ZFC3H1: variants seen among roughly 807,000 people sequenced by gnomAD.
ZFC3H1 encodes the protein zinc finger C3H1-type containing, also known as zinc finger C3H1 domain-containing protein.
ZFC3H1 carries 71 observed loss-of-function variants against 243.7 expected under a neutral mutation model. The ratio of observed to expected loss-of-function variants is 0.29; its 90% CI spans 0.24 to 0.36. ZFC3H1 has a LOEUF of 0.36. Among genes scored for constraint, ZFC3H1 ranks in the 10% least tolerant of loss-of-function variants. The pLI is 1.00. For missense variants in ZFC3H1, 1,966 were observed against 2,317.1 expected, an observed-to-expected ratio of 0.85 and a Z score of 3.11; for synonymous variants, 838 against 813.0, an observed-to-expected ratio of 1.03 and a Z score of -0.52.
intron 4 of ZFC3H1, 54 bp from the exon 5 acceptor site, chr12:71,644,372 TAA>T: frequency 6.5e-7 from 1 of 1,536,336 alleles, no homozygotes. Flanking sequence ...AAAAGAAAAA[TAA>T]GAGTCTTAAA....
chr12:71,661,370 T>C (rs1163822172), intron 1 of ZFC3H1, among the ~76,000 whole-genome samples: 1 of 152,130 alleles, frequency 6.6e-6, no homozygotes, highest in African/African-American at 2.4e-5. Context: ...GGCTTTTGGA[T>C]TCAAAATAGA....
At chr12:71,626,075 C>G (rs899421813) in intron 22 of ZFC3H1, among the ~76,000 whole-genome samples, 185 bp downstream of exon 22, 44 of 152,132 alleles carry the variant, frequency 2.9e-4, no homozygotes, top group African/African-American at 9.9e-4. Flanking sequence ...TTTCTTCTTG[C>G]TTAGTCTAAA....
chr12:71,635,682 A>G (rs535452844), intron 9 of ZFC3H1, 102 bp from the exon 10 acceptor site: 2 of 1,189,308 alleles, frequency 1.7e-6, no homozygotes, highest in African/African-American at 1.6e-5. Context: ...TAGACAGTCT[A>G]TGGCTCCTTC....
At chr12:71,662,396 T>C (rs1881201982) in intron 1 of ZFC3H1, among the ~76,000 whole-genome samples, 1 of 151,680 alleles carries the variant, frequency 6.6e-6, no homozygotes, top group Non-Finnish European at 1.5e-5. Context: ...TGAACACAGA[T>C]AGAAACGTAA....
At chr12:71,648,586 T>C (rs924410006) in intron 2 of ZFC3H1, among the ~76,000 whole-genome samples, 6 of 152,198 alleles carry the variant, frequency 3.9e-5, no homozygotes, top group African/African-American at 1.4e-4. Flanking sequence ...GTTTTTACCA[T>C]AACACCACAC....
intron 27 of ZFC3H1, among the ~76,000 whole-genome samples, chr12:71,615,676 C>T (rs1879877751): frequency 6.6e-6 from 1 of 152,050 alleles, no homozygotes; most frequent in Non-Finnish European, 1.5e-5. Context: ...CATCACCACA[C>T]CCAGCTAATT....
rs372668678 is a variant in ZFC3H1, at chr12:71,630,866, G to A, written c.3559C>T (p.Arg1187Cys). 3.7e-6 allele frequency: 6 copies of A among 1,613,200 alleles called. No individual in the cohort carries two copies. Among genetic ancestry groups the A allele is most frequent in the East Asian group, 2.2e-5 (1 of 44,776 alleles). Residue 1187 changes from arginine to cysteine, a missense_variant, in exon 17 of 35, where the codon CGT becomes TGT. Coordinates refer to ENST00000378743, the MANE Select transcript of ZFC3H1 (RefSeq NM_144982.5). Reference sequence around the variant, plus strand: ...TTACATGTTCCTGTTAAATCAAAACGGCAGAAACACTGATCCGGTTCAATC... The same window carrying A: ...TTACATGTTCCTGTTAAATCAAAACAGCAGAAACACTGATCCGGTTCAATC... ...NMIEPDQCFC[R>C]FDLTGTCNDD... is the part of the protein sequence containing the mutation.
At position 71,614,581 on chromosome 12, in the gene ZFC3H1, G is replaced by A. The variant is rs750746381; in HGVS notation, c.5480C>T (p.Pro1827Leu). The A allele has an allele frequency of 6.2e-7, 1 of 1,612,728 alleles. No homozygotes were observed. The change falls in exon 30 of 35, where the codon CCT (proline) becomes CTT (leucine). Residue 1827 changes from proline to leucine, a missense_variant. Transcript: ENST00000378743. ...GGACCAGTAATCAGCACTGCTAAAAGGAATGGGGTATCGGGCAGGGACTGT... is the reference window on the plus strand; with the variant it reads ...GGACCAGTAATCAGCACTGCTAAAAAGAATGGGGTATCGGGCAGGGACTGT... ...LVTVPARYPIPFSSADYWSNY... is the reference protein window; with the variant it reads ...LVTVPARYPILFSSADYWSNY...
Position 71,654,416 on chromosome 12 carries a change from G to A in ZFC3H1, c.1015+2469C>T, listed in dbSNP as rs552034373. On this transcript the variant is annotated intron_variant, in intron 2 of 34. Transcript: ENST00000378743. ...TGATCATACTCCTGCACTCTAGCCTGGGCAACACAGTGAGATCTTATCTAA... is the reference window on the plus strand; with the variant it reads ...TGATCATACTCCTGCACTCTAGCCTAGGCAACACAGTGAGATCTTATCTAA... 1.1e-3 allele frequency among the ~76,000 whole-genome samples: 173 copies of A among 152,224 alleles called. 1 individual carries two copies. Among genetic ancestry groups the A allele is most frequent in the African/African-American group, 3.9e-3 (164 of 41,522 alleles).
rs541047017 is a variant in ZFC3H1 at position 71,643,196 on chromosome 12, C to T, written c.1504-637G>A. 4.0e-5 allele frequency among the ~76,000 whole-genome samples: 6 copies of T among 151,636 alleles called. No individual in the cohort carries two copies. In the South Asian group the frequency reaches 6.3e-4, roughly 16 times the overall value. On this transcript the variant is annotated intron_variant, in intron 5 of 34. Transcript: ENST00000378743. ...TATTGGCCTGGCGCGGTGGCTCATGCGGTCGGGAGTTCAAGACCAGCCTGG... is the reference window on the plus strand; with the variant it reads ...TATTGGCCTGGCGCGGTGGCTCATGTGGTCGGGAGTTCAAGACCAGCCTGG...
chr12:71,626,195 G>A (rs1169986905), intron 22 of ZFC3H1, 65 bp downstream of exon 22: 11 of 1,476,064 alleles, frequency 7.5e-6, no homozygotes, highest in South Asian at 4.0e-5. Flanking sequence ...TTTTTAAGAT[G>A]ATCCAAATAA....
chr12:71,656,059 T>C (rs563921444), intron 2 of ZFC3H1, among the ~76,000 whole-genome samples: 1 of 152,152 alleles, frequency 6.6e-6, no homozygotes, highest in Non-Finnish European at 1.5e-5. Flanking sequence ...ATTCCATTAG[T>C]GTGACATTCT....
In ZFC3H1 at chr12:71,624,173, C is replaced by T. The variant is rs538701272; in HGVS notation, c.4437G>A (p.Glu1479=). 9 of 1,614,044 alleles carry T rather than the reference C, an allele frequency of 5.6e-6. No individual in the cohort carries two copies. The Admixed American group carries it at 1.5e-4, about 27-fold the overall frequency. ...GCAGCTGAACTCTAAACAAAAGAGC[C>T]TCTAAAAGCTGAAAGGACAAAATAT... is the stretch of plus-strand genomic sequence containing the variant. ...TSNILSFQLL[E]ALLFRVQLHI... Residue 1479 remains glutamate, a synonymous_variant, in exon 23 of 35, where the codon GAG becomes GAA. Transcript: ENST00000378743.
chr12:71,613,651 C>CAGAA, intron 30 of ZFC3H1: 1 of 383,468 alleles, frequency 2.6e-6, no homozygotes, highest in Non-Finnish European at 4.7e-6. Flanking sequence ...GAGCCATGGG[C>CAGAA]AGAACACTGA....
rs1447198192 is a variant in ZFC3H1 at position 71,636,585 on chromosome 12, T to C, written c.2005A>G (p.Asn669Asp). The C allele has an allele frequency of 6.2e-7, 1 of 1,614,016 alleles. No homozygotes were observed. The highest frequency in any genetic ancestry group is 1.7e-5 in the Admixed American group (1 of 60,024). The change falls in exon 9 of 35, where the codon AAT becomes GAT. Residue 669 changes from asparagine (N) to aspartate (D), a missense_variant. By Grantham distance (23) the Asn-to-Asp change is conservative. Transcript: ENST00000378743. ...LNNSHPVPRS[N>D]LSIVSINTVS... Reference sequence around the variant, plus strand: ...GTGTTAATACTGACTATTGATAGATTGCTTCTTGGCACAGGATGTGAATTG... The same window carrying C: ...GTGTTAATACTGACTATTGATAGATCGCTTCTTGGCACAGGATGTGAATTG...
chr12:71,638,562 T>C (rs1451557536), intron 6 of ZFC3H1, 47 bp from the exon 7 acceptor site: 1 of 1,406,282 alleles, frequency 7.1e-7, no homozygotes, highest in East Asian at 2.4e-5. Context: ...AAATACTTCA[T>C]CAGGAATATA....
chr12:71,628,387 A>G (rs1148995), intron 20 of ZFC3H1, among the ~76,000 whole-genome samples: 2 of 152,046 alleles, frequency 1.3e-5, no homozygotes, highest in African/African-American at 4.8e-5. Flanking sequence ...AATAGCATAC[A>G]TCTCTTGGAT....
intron 21 of ZFC3H1, among the ~76,000 whole-genome samples, chr12:71,627,249 A>G (rs1197622058): frequency 2.0e-5 from 3 of 152,170 alleles, no homozygotes; most frequent in Non-Finnish European, 4.4e-5. Context: ...TATTGGTTGT[A>G]TAAGTTATTA....
At position 71,615,319 on chromosome 12, in the gene ZFC3H1, GA is replaced by G. The variant is rs769982272; in HGVS notation, c.5145-4del. The G allele has an allele frequency of 4.7e-4, 693 of 1,479,272 alleles. No homozygotes were observed. Among genetic ancestry groups the G allele is most frequent in the Middle Eastern group, 9.0e-4 (5 of 5,560 alleles). 91.6% of individuals were successfully genotyped at this position (1,479,272 alleles called of 1,614,324 possible). A position where few individuals can be genotyped will look rare whatever the true frequency, so the allele number is the denominator to read the frequency against. ...GTCCTGGAATATTTAAGAGATACCT[GA>G]AAAAAAAAATCCAAATATTGTTTTA... On this transcript the variant is annotated splice_polypyrimidine_tract_variant and splice_region_variant and intron_variant, in intron 27 of 34. Transcript: ENST00000378743.
Sources: gnomAD v4.1 joint callset for allele counts (sites outside exome capture counted in the v4.1 genomes callset) on GRCh38, gnomAD v4.1.1 for gene constraint, MANE v1.5 for transcripts, NCBI Gene and HGNC (gene_info 2026-07-23, HGNC 2026-07-21) for gene names.